The following PIP5K1B variants were observed in gnomAD, a reference collection of about 807,000 sequenced individuals.
The protein encoded by PIP5K1B is phosphatidylinositol 4-phosphate 5-kinase type-1 beta.
PIP5K1B carries 42 observed loss-of-function variants against 67.0 expected under a neutral mutation model. That is an observed-to-expected ratio of 0.63 (90% CI 0.49 to 0.81). The LOEUF (loss-of-function observed/expected upper bound fraction) is 0.81. PIP5K1B is among the 30% of genes least tolerant of loss of function. The probability of loss-of-function intolerance (pLI) is 0.00; values close to 1 mark genes in which losing one functional copy is unlikely to be tolerated. For missense variants in PIP5K1B, 459 were observed against 646.3 expected, an observed-to-expected ratio of 0.71 and a Z score of 3.14; for synonymous variants, 214 against 231.4, an observed-to-expected ratio of 0.92 and a Z score of 0.68.
intron 1 of PIP5K1B, among the ~76,000 whole-genome samples, chr9:68,737,411 A>G (rs1828791561): frequency 6.6e-6 from 1 of 152,246 alleles, no homozygotes; most frequent in East Asian, 1.9e-4. Flanking sequence ...GCATAAGGCT[A>G]GCATGAATAG....
chr9:68,898,264 C>T (rs1403128224), intron 8 of PIP5K1B, among the ~76,000 whole-genome samples: 1 of 152,172 alleles, frequency 6.6e-6, no homozygotes, highest in African/African-American at 2.4e-5. Flanking sequence ...AGCAGGCATC[C>T]AGATGTCAGG....
chr9:68,798,263 T>C (rs957148492), intron 2 of PIP5K1B, among the ~76,000 whole-genome samples: 1 of 152,202 alleles, frequency 6.6e-6, no homozygotes, highest in Non-Finnish European at 1.5e-5. Context: ...TTAAGATGGT[T>C]GTAAGATTGT....
At chr9:68,927,209 T>TA (rs1329164106) in intron 12 of PIP5K1B, among the ~76,000 whole-genome samples, 1 of 152,220 alleles carries the variant, frequency 6.6e-6, no homozygotes, top group African/African-American at 2.4e-5. Flanking sequence ...TTTTGGCCAT[T>TA]ATGAATAATG....
chr9:68,917,645 A>G lies in PIP5K1B; in HGVS notation c.869A>G (p.Asn290Ser). 6.2e-7 allele frequency: 1 copy of G among 1,613,990 alleles called. No homozygotes were observed. The highest frequency in any genetic ancestry group is 1.1e-5 in the South Asian group (1 of 91,080). Reference sequence around the variant, plus strand: ...GAGAAAGAGGAGGAGACCCCACAAAATGTGCCTGATGCTAAGCGGACTGGG... The same window carrying G: ...GAGAAAGAGGAGGAGACCCCACAAAGTGTGCCTGATGCTAAGCGGACTGGG... The part of the protein sequence containing the change: ...LKEKEEETPQ[N>S]VPDAKRTGMQ... Residue 290 changes from asparagine to serine, a missense_variant, in exon 9 of 16, where the codon AAT (asparagine) becomes AGT (serine). Transcript: ENST00000265382.
intron 1 of PIP5K1B, 84 bp from the exon 2 acceptor site, chr9:68,742,417 C>T (rs544732838): frequency 1.3e-5 from 2 of 152,286 alleles, no homozygotes; most frequent in African/African-American, 2.4e-5. Context: ...GTGTCAAGGG[C>T]TATAATAAGA....
intron 14 of PIP5K1B, among the ~76,000 whole-genome samples, chr9:68,981,095 G>A (rs1440531237): frequency 2.0e-5 from 3 of 152,158 alleles, no homozygotes; most frequent in Non-Finnish European, 4.4e-5. Flanking sequence ...TGCAAGATAG[G>A]ATATAAATAT....
At chr9:68,972,515 C>T (rs371639462) in intron 14 of PIP5K1B, among the ~76,000 whole-genome samples, 51 of 152,260 alleles carry the variant, frequency 3.3e-4, no homozygotes, top group African/African-American at 1.0e-3. Flanking sequence ...GTGGTGTGTG[C>T]CTGTAGTCCC....
At chr9:68,994,847 A>G (rs1371756816) in intron 15 of PIP5K1B, among the ~76,000 whole-genome samples, 1 of 152,190 alleles carries the variant, frequency 6.6e-6, no homozygotes, top group East Asian at 1.9e-4. Flanking sequence ...TATAAAATGA[A>G]TTATTAAATC....
chr9:68,847,584 A>T (rs905564676), intron 4 of PIP5K1B, among the ~76,000 whole-genome samples: 4 of 151,944 alleles, frequency 2.6e-5, no homozygotes, highest in African/African-American at 9.7e-5. Context: ...AACAGCCTAG[A>T]TTCTAATTCC....
intron 4 of PIP5K1B, among the ~76,000 whole-genome samples, chr9:68,850,776 T>A (rs1443596666): frequency 6.6e-6 from 1 of 152,200 alleles, no homozygotes; most frequent in Non-Finnish European, 1.5e-5. Context: ...GAATCTAAAT[T>A]GATATTTATA....
chr9:68,719,219 A>G (rs114283183), intron 1 of PIP5K1B, among the ~76,000 whole-genome samples: 128 of 152,266 alleles, frequency 8.4e-4, no homozygotes, highest in African/African-American at 3.0e-3. Flanking sequence ...TTACTATATT[A>G]TGGTCTAAAG....
intron 11 of PIP5K1B, among the ~76,000 whole-genome samples, chr9:68,922,999 G>A (rs545155040): frequency 5.7e-4 from 86 of 152,146 alleles, no homozygotes; most frequent in African/African-American, 1.9e-3. Context: ...ACTCCTCCTG[G>A]GACACAATGT....
At chr9:68,875,417 A>T (rs186763026) in intron 5 of PIP5K1B, among the ~76,000 whole-genome samples, 1 of 151,366 alleles carries the variant, frequency 6.6e-6, no homozygotes, top group African/African-American at 2.4e-5. Flanking sequence ...GTGACCTGTG[A>T]CTATGCTGAA....
chr9:68,950,182 C>G (rs1243551915), intron 14 of PIP5K1B, among the ~76,000 whole-genome samples: 1 of 152,200 alleles, frequency 6.6e-6, no homozygotes, highest in Non-Finnish European at 1.5e-5. Context: ...TTCGTGACCT[C>G]CCTGAGTCTA....
intron 14 of PIP5K1B, among the ~76,000 whole-genome samples, chr9:68,943,614 T>A (rs1827666240): frequency 6.6e-6 from 1 of 151,724 alleles, no homozygotes; most frequent in South Asian, 2.1e-4. Flanking sequence ...GCCAACTGAG[T>A]TTCAAAACCT....
rs548563356 is a variant in PIP5K1B, at chr9:68,754,319, G to A, written c.-86+11662G>A. Among the ~76,000 whole-genome samples the A allele has an allele frequency of 4.4e-3, 665 of 151,666 alleles. 5 individuals are homozygous for A. Among genetic ancestry groups the A allele is most frequent in the African/African-American group, 0.015 (620 of 41,354 alleles). The stretch of plus-strand genomic sequence containing the variant: ...CAAGTAGCTGGGACTACAGGCGCCC[G>A]CCACCATGCCTGACTGATTTTTTGT... On this transcript the variant is annotated intron_variant, in intron 2 of 15. Coordinates refer to ENST00000265382, the MANE Select transcript of PIP5K1B (RefSeq NM_003558.4).
chr9:68,776,342 T>G (rs572184064), intron 2 of PIP5K1B, among the ~76,000 whole-genome samples: 1 of 152,208 alleles, frequency 6.6e-6, no homozygotes, highest in Admixed American at 6.5e-5. Context: ...AATAATATTG[T>G]TCTAAGTGCC....
At chr9:68,966,919 G>T (rs542083303) in intron 14 of PIP5K1B, among the ~76,000 whole-genome samples, 2 of 152,324 alleles carry the variant, frequency 1.3e-5, no homozygotes, top group African/African-American at 4.8e-5. Flanking sequence ...ATGCAGAGAA[G>T]ATGAATAAGT....
intron 4 of PIP5K1B, among the ~76,000 whole-genome samples, chr9:68,823,495 G>A (rs778000611): frequency 2.0e-5 from 3 of 151,952 alleles, no homozygotes; most frequent in Admixed American, 6.6e-5. Context: ...TTTCTAAGCC[G>A]CTCAGATTTT....
Sources: gnomAD v4.1 joint callset for allele counts (sites outside exome capture counted in the v4.1 genomes callset) on GRCh38, gnomAD v4.1.1 for gene constraint, MANE v1.5 for transcripts, NCBI Gene and HGNC (gene_info 2026-07-23, HGNC 2026-07-21) for gene names.